VTI1A: variants seen among roughly 807,000 people sequenced by gnomAD.
VTI1A encodes vesicle transport through interaction with t-SNAREs homolog 1A.
Under a neutral mutation model 34.9 loss-of-function variants are expected in VTI1A, and 22 were observed. The ratio of observed to expected loss-of-function variants is 0.63; its 90% CI spans 0.45 to 0.90. VTI1A has a LOEUF of 0.90. Among genes scored for constraint, VTI1A ranks in the 40% least tolerant of loss-of-function variants. The probability of loss-of-function intolerance (pLI) is 0.00; values close to 1 mark genes in which losing one functional copy is unlikely to be tolerated. For missense variants in VTI1A, 268 were observed against 275.6 expected, an observed-to-expected ratio of 0.97 and a Z score of 0.20; for synonymous variants, 87 against 97.3, an observed-to-expected ratio of 0.89 and a Z score of 0.62.
chr10:112,637,928 C>G (rs1846421565), intron 5 of VTI1A, among the ~76,000 whole-genome samples: 1 of 152,150 alleles, frequency 6.6e-6, no homozygotes, highest in Non-Finnish European at 1.5e-5. Flanking sequence ...AAACTGTTTA[C>G]TTGACACACA....
intron 1 of VTI1A, among the ~76,000 whole-genome samples, chr10:112,455,313 C>T (rs1457190846): frequency 1.1e-4 from 2 of 18,904 alleles, no homozygotes; most frequent in Non-Finnish European, 2.2e-4. Context: ...CTCCACTCCC[C>T]TCCGCTCCTC....
intron 5 of VTI1A, among the ~76,000 whole-genome samples, chr10:112,620,635 C>G (rs985876445): frequency 2.6e-5 from 4 of 151,874 alleles, no homozygotes; most frequent in African/African-American, 9.7e-5. Flanking sequence ...TACTAAAATA[C>G]AAAAATAAGC....
chr10:112,510,779 A>G (rs1210459390), intron 3 of VTI1A, among the ~76,000 whole-genome samples: 2 of 152,258 alleles, frequency 1.3e-5, no homozygotes, highest in African/African-American at 4.8e-5. Context: ...TTCTCTGACC[A>G]TGGATGATTT....
At chr10:112,770,449 G>A (rs1851774516) in intron 7 of VTI1A, among the ~76,000 whole-genome samples, 1 of 150,574 alleles carries the variant, frequency 6.6e-6, no homozygotes, top group Non-Finnish European at 1.5e-5. Flanking sequence ...AGGCTGGAGT[G>A]CAGTGGCAGG....
intron 5 of VTI1A, among the ~76,000 whole-genome samples, chr10:112,664,205 A>G (rs557620367): frequency 9.2e-5 from 14 of 152,232 alleles, no homozygotes; most frequent in Non-Finnish European, 1.9e-4. Flanking sequence ...AGTGTCCTGC[A>G]TATTCCAAAT....
At chr10:112,743,555 G>A (rs917647353) in intron 7 of VTI1A, among the ~76,000 whole-genome samples, 3 of 152,026 alleles carry the variant, frequency 2.0e-5, no homozygotes, top group Admixed American at 6.6e-5. Context: ...TTTCACTTCC[G>A]CCCCAGCTGG....
chr10:112,830,849 A>ATATATATATATATATATTTTTTTTTT, the VTI1A span, among the ~76,000 whole-genome samples: 1 of 33,498 alleles, frequency 3.0e-5, no homozygotes, highest in East Asian at 1.5e-3. Flanking sequence ...ATATATATAT[A>ATATATATATATATATATTTTTTTTTT]TTTTTTTTTT....
At chr10:112,475,625 C>A (rs1848252223) in intron 3 of VTI1A, among the ~76,000 whole-genome samples, 1 of 152,172 alleles carries the variant, frequency 6.6e-6, no homozygotes, top group African/African-American at 2.4e-5. Flanking sequence ...GGTTTTAATA[C>A]AGTTGTTTCT....
chr10:112,586,049 A>T (rs1022909068), intron 5 of VTI1A, among the ~76,000 whole-genome samples: 3 of 151,638 alleles, frequency 2.0e-5, no homozygotes, highest in Admixed American at 2.0e-4. Flanking sequence ...TGCTGAAAAA[A>T]CCCAGAAATG....
intron 5 of VTI1A, among the ~76,000 whole-genome samples, chr10:112,667,625 T>C (rs977282697): frequency 5.3e-5 from 8 of 152,288 alleles, no homozygotes; most frequent in African/African-American, 1.9e-4. Flanking sequence ...TGAGAAGAAA[T>C]GCACCTCACC....
At chr10:112,625,336 A>G (rs1845881445) in intron 5 of VTI1A, among the ~76,000 whole-genome samples, 1 of 152,114 alleles carries the variant, frequency 6.6e-6, no homozygotes, top group Non-Finnish European at 1.5e-5. Flanking sequence ...TAAGTGAGGT[A>G]ACTCAGGAAT....
At position 112,649,654 on chromosome 10, in the gene VTI1A, T is replaced by C. The variant is rs74440583; in HGVS notation, c.428-18564T>C. On this transcript the variant is annotated intron_variant, in intron 5 of 7. Coordinates refer to ENST00000393077, the MANE Select transcript of VTI1A (RefSeq NM_145206.4). ...AATGATGGGGATGCATTCCGAGAAA[T>C]GCATCCTTAGGCATTTCATCATTGT... Among the ~76,000 whole-genome samples the C allele has an allele frequency of 1.4e-4, 22 of 152,294 alleles. No homozygotes were observed. The East Asian group carries it at 4.2e-3, about 29-fold the overall frequency.
At chr10:112,517,578 A>C (rs1170135410) in intron 3 of VTI1A, among the ~76,000 whole-genome samples, 1 of 152,076 alleles carries the variant, frequency 6.6e-6, no homozygotes, top group Non-Finnish European at 1.5e-5. Context: ...AAACTTGATA[A>C]ACACTACCTC....
intron 7 of VTI1A, among the ~76,000 whole-genome samples, chr10:112,747,973 C>G (rs562044670): frequency 5.4e-4 from 82 of 152,172 alleles, no homozygotes; most frequent in Middle Eastern, 6.8e-3. Context: ...TAGACCAAAG[C>G]GGAGAGGAAG....
chr10:112,736,721 AG>A (rs1850490336), intron 7 of VTI1A: 2 of 1,551,780 alleles, frequency 1.3e-6, no homozygotes, highest in East Asian at 2.4e-5. Flanking sequence ...CACTGTTCAC[AG>A]GGGTTGTTCT....
chr10:112,719,382 G>A (rs766577882), intron 7 of VTI1A, among the ~76,000 whole-genome samples: 1 of 152,022 alleles, frequency 6.6e-6, no homozygotes, highest in Admixed American at 6.5e-5. Context: ...TGATTAAATG[G>A]AACTGATTCT....
chr10:112,705,449 C>T (rs138860766), intron 7 of VTI1A, among the ~76,000 whole-genome samples: 47 of 152,214 alleles, frequency 3.1e-4, no homozygotes, highest in Admixed American at 1.0e-3. Context: ...TCTATACTGA[C>T]TCCATTATTG....
intron 4 of VTI1A, among the ~76,000 whole-genome samples, chr10:112,528,101 A>G (rs1236971493): frequency 2.6e-5 from 4 of 152,136 alleles, no homozygotes; most frequent in Non-Finnish European, 5.9e-5. Context: ...AGTAGTATAA[A>G]AGTCTCTACT....
intron 7 of VTI1A, among the ~76,000 whole-genome samples, chr10:112,709,161 C>T (rs536087432): frequency 2.6e-5 from 4 of 152,314 alleles, no homozygotes; most frequent in South Asian, 4.2e-4. Flanking sequence ...TGATTAGTCC[C>T]GGCCTTCATT....
Sources: allele counts gnomAD v4.1 joint callset (sites outside exome capture counted in the v4.1 genomes callset), GRCh38; gene constraint gnomAD v4.1.1; transcripts MANE v1.5; gene names NCBI Gene and HGNC (gene_info 2026-07-23, HGNC 2026-07-21).